The following SV2C variants were observed in gnomAD, a reference collection of about 807,000 sequenced individuals.
SV2C encodes synaptic vesicle glycoprotein 2C, also known as solute carrier family 22 member B3.
SV2C carries 49 observed loss-of-function variants against 79.7 expected under a neutral mutation model. The observed-to-expected ratio is 0.61, with a 90% CI of 0.49 to 0.78. SV2C has a LOEUF of 0.78. Ranked by LOEUF, SV2C falls within the 30% of genes least tolerant of loss-of-function variation. The pLI, the probability that SV2C is intolerant of heterozygous loss-of-function variation, is 0.00. For missense variants in SV2C, 833 were observed against 912.9 expected (o/e 0.91, Z 1.13); for synonymous variants, 334 against 333.2 (o/e 1.00, Z -0.03).
chr5:76,090,810 A>G (rs1676484180), intron 1 of SV2C, among the ~76,000 whole-genome samples: 1 of 152,182 alleles, frequency 6.6e-6, no homozygotes, highest in African/African-American at 2.4e-5. Context: ...GCTAAAATTT[A>G]TCTAGGAGAA....
Position 76,285,234 on chromosome 5 carries a change from CCT to C in SV2C, c.987_988del (p.Val331LeufsTer11). The C allele has an allele frequency of 1.2e-6, 2 of 1,614,198 alleles. No homozygotes were observed. Among genetic ancestry groups the C allele is most frequent in the Non-Finnish European group, 1.7e-6 (2 of 1,180,032 alleles). ...GTGTTTGTCATCGTCTGTGCACTCCCCTGTGTCTCCTCCGTGGTGGCCCTCAC... is the reference window on the plus strand; with the variant it reads ...GTGTTTGTCATCGTCTGTGCACTCCCGTGTCTCCTCCGTGGTGGCCCTCAC... On this transcript the variant is annotated frameshift_variant, in exon 5 of 13. Transcript: ENST00000502798. LOFTEE classifies it high-confidence loss of function.
At chr5:76,259,600 A>C (rs1579996584) in intron 4 of SV2C, among the ~76,000 whole-genome samples, 17 of 144,958 alleles carry the variant, frequency 1.2e-4, no homozygotes, top group African/African-American at 2.1e-4. Flanking sequence ...CCCTCCCCTC[A>C]CTCCCCACCC....
chr5:76,229,626 C>A (rs1371302774), intron 4 of SV2C, among the ~76,000 whole-genome samples: 1 of 152,238 alleles, frequency 6.6e-6, no homozygotes, highest in Non-Finnish European at 1.5e-5. Context: ...TTAGCCCCTA[C>A]CATTTCCTGT....
At chr5:76,316,122 GA>G (rs201005860) in intron 12 of SV2C, among the ~76,000 whole-genome samples, 2 of 151,686 alleles carry the variant, frequency 1.3e-5, no homozygotes, top group African/African-American at 2.4e-5. Context: ...TAATATGAAT[GA>G]AAAAAAAGCA....
the SV2C span, among the ~76,000 whole-genome samples, chr5:75,998,403 C>T: frequency 6.6e-6 from 1 of 152,038 alleles, no homozygotes; most frequent in East Asian, 1.9e-4. Flanking sequence ...TATACTCATG[C>T]CATCACTAGT....
intron 1 of SV2C, among the ~76,000 whole-genome samples, chr5:76,090,164 C>T (rs573140332): frequency 6.6e-6 from 1 of 152,326 alleles, no homozygotes; most frequent in South Asian, 2.1e-4. Context: ...GGGCTGATAA[C>T]ACCTAGGGCC....
At chr5:75,977,579 G>T in the SV2C span, among the ~76,000 whole-genome samples, 1 of 152,114 alleles carries the variant, frequency 6.6e-6, no homozygotes, top group South Asian at 2.1e-4. Flanking sequence ...AACCACTGGA[G>T]GCTCTAGTCC....
At chr5:76,032,219 T>C in the SV2C span, among the ~76,000 whole-genome samples, 1 of 143,182 alleles carries the variant, frequency 7.0e-6, no homozygotes, top group Non-Finnish European at 1.5e-5. Flanking sequence ...AGTGACCATA[T>C]CTTCTTTTTT....
At chr5:76,158,594 T>C (rs1742808893) in intron 2 of SV2C, among the ~76,000 whole-genome samples, 1 of 151,944 alleles carries the variant, frequency 6.6e-6, no homozygotes, top group Non-Finnish European at 1.5e-5. Context: ...AACTCAACAA[T>C]GGTAGTTGAA....
chr5:75,963,089 C>T, the SV2C span, among the ~76,000 whole-genome samples: 2 of 152,010 alleles, frequency 1.3e-5, no homozygotes, highest in Admixed American at 6.6e-5. Flanking sequence ...GGACACTCCT[C>T]CCAAAAAGGT....
At chr5:76,271,355 CTA>C (rs111903042) in intron 4 of SV2C, among the ~76,000 whole-genome samples, 73 of 152,188 alleles carry the variant, frequency 4.8e-4, no homozygotes, top group African/African-American at 1.7e-3. Flanking sequence ...ACGTGATGGG[CTA>C]TGTTATTGGG....
the SV2C span, among the ~76,000 whole-genome samples, chr5:75,852,706 G>C: frequency 6.6e-6 from 1 of 151,698 alleles, no homozygotes; most frequent in Non-Finnish European, 1.5e-5. Context: ...GGTGCCTGTA[G>C]TCCCAGCTAC....
At chr5:75,937,997 G>A in the SV2C span, among the ~76,000 whole-genome samples, 1 of 151,924 alleles carries the variant, frequency 6.6e-6, no homozygotes, top group Non-Finnish European at 1.5e-5. Context: ...TGGGAGACAA[G>A]GAGGCAACAC....
chr5:76,259,454 T>G (rs930516775), intron 4 of SV2C, among the ~76,000 whole-genome samples: 1 of 152,194 alleles, frequency 6.6e-6, no homozygotes. Flanking sequence ...TTTTTAACTT[T>G]AATTTCTGGG....
the SV2C span, among the ~76,000 whole-genome samples, chr5:75,903,059 A>G: frequency 6.6e-6 from 1 of 152,224 alleles, no homozygotes; most frequent in African/African-American, 2.4e-5. Flanking sequence ...TGAGCTCAAT[A>G]AACTTACATA....
rs554799046 is a variant in SV2C at position 76,242,139 on chromosome 5, G to A, written c.913+32252G>A. On this transcript the variant is annotated intron_variant, in intron 4 of 12. Transcript: ENST00000502798. ...ATCAGCTTTTCCCTTTTTCCCTTTG[G>A]GTACCTTCTCTCCCTTCTTTGCAGG... The A allele has an allele frequency of 6.5e-6, 9 of 1,385,502 alleles. No homozygotes were observed. The South Asian group carries it at 1.0e-4, about 16-fold the overall frequency. The allele number at this position is 1,385,502 out of a possible 1,614,324, so 85.8% of individuals were successfully genotyped here.
the SV2C span, among the ~76,000 whole-genome samples, chr5:76,052,032 T>C: frequency 6.6e-6 from 1 of 152,182 alleles, no homozygotes; most frequent in African/African-American, 2.4e-5. Context: ...GGAGCCTGCA[T>C]GTTAAATCCA....
chr5:76,098,178 A>G (rs1747628379), intron 1 of SV2C, among the ~76,000 whole-genome samples: 1 of 152,134 alleles, frequency 6.6e-6, no homozygotes, highest in African/African-American at 2.4e-5. Flanking sequence ...AAATTCTGTT[A>G]TTCTTAGAGG....
At chr5:76,004,771 A>C in the SV2C span, among the ~76,000 whole-genome samples, 3 of 152,180 alleles carry the variant, frequency 2.0e-5, no homozygotes, top group Non-Finnish European at 4.4e-5. Context: ...AATGCATTTT[A>C]TACATTAGGA....
Sources: allele counts gnomAD v4.1 joint callset (sites outside exome capture counted in the v4.1 genomes callset), GRCh38; gene constraint gnomAD v4.1.1; transcripts MANE v1.5; gene names NCBI Gene and HGNC (gene_info 2026-07-23, HGNC 2026-07-21).